The following CAMKMT variants were observed in gnomAD, a reference collection of about 807,000 sequenced individuals.
CAMKMT encodes the protein CaM KMT.
A neutral mutation model predicts 48.0 loss-of-function variants in CAMKMT; 53 were observed. The observed-to-expected ratio is 1.10, with a 90% confidence interval of 0.89 to 1.39. The LOEUF (loss-of-function observed/expected upper bound fraction) is 1.39. CAMKMT is among the 40% of genes most tolerant of loss of function. CAMKMT has a pLI of 0.00. For synonymous variants in CAMKMT, 165 were observed against 152.3 expected (o/e 1.08, Z -0.61); for missense variants, 428 against 402.7 (o/e 1.06, Z -0.54).
intron 3 of CAMKMT, among the ~76,000 whole-genome samples, chr2:44,476,100 G>A (rs1323399654): frequency 6.6e-6 from 1 of 152,060 alleles, no homozygotes; most frequent in Non-Finnish European, 1.5e-5. Context: ...ATATATTTAC[G>A]ACATCTAAAA....
chr2:44,397,505 G>A (rs995809511), intron 3 of CAMKMT, among the ~76,000 whole-genome samples: 5 of 152,108 alleles, frequency 3.3e-5, no homozygotes, highest in African/African-American at 1.2e-4. Flanking sequence ...GTTGGCTTCG[G>A]TTGCTAGATG....
intron 3 of CAMKMT, among the ~76,000 whole-genome samples, chr2:44,509,228 T>C (rs1443026160): frequency 1.3e-5 from 2 of 152,216 alleles, no homozygotes; most frequent in African/African-American, 4.8e-5. Context: ...CTCAGGGAAC[T>C]GTCTCCAATA....
intron 3 of CAMKMT, among the ~76,000 whole-genome samples, chr2:44,697,888 T>C (rs1187501696): frequency 6.6e-6 from 1 of 152,048 alleles, no homozygotes; most frequent in Non-Finnish European, 1.5e-5. Context: ...ATAAACACAA[T>C]TACCAGAAGA....
chr2:44,705,441 G>T, intron 4 of CAMKMT: 2 of 985,340 alleles, frequency 2.0e-6, no homozygotes, highest in Non-Finnish European at 2.4e-6. Flanking sequence ...TGTTCATCTC[G>T]CTGTGCTTAA....
chr2:44,505,237 GT>G lies in CAMKMT; in HGVS notation c.376+114941del, dbSNP rs1049058783. Among the ~76,000 whole-genome samples, 4 of 150,870 alleles carry G rather than the reference GT, an allele frequency of 2.7e-5. No homozygotes were observed. The South Asian group carries it at 8.4e-4, about 32-fold the overall frequency. ...AAACTAGAGCACCCACTTTCTAATT[GT>G]TTTTTTTTAATAATTGAGTTTTGAG... On this transcript the variant is annotated intron_variant, in intron 3 of 10. Transcript: ENST00000378494.
chr2:44,432,014 C>T (rs1041721788), intron 3 of CAMKMT, among the ~76,000 whole-genome samples: 4 of 152,134 alleles, frequency 2.6e-5, no homozygotes, highest in African/African-American at 4.8e-5. Flanking sequence ...GTCCTGGGTC[C>T]AAAAATCTTG....
chr2:44,691,034 G>A (rs1443310311), intron 3 of CAMKMT, among the ~76,000 whole-genome samples: 1 of 152,072 alleles, frequency 6.6e-6, no homozygotes, highest in African/African-American at 2.4e-5. Context: ...GCACTTACTA[G>A]CTCCTATTCT....
At chr2:44,614,936 CTTT>C (rs3083440) in intron 3 of CAMKMT, among the ~76,000 whole-genome samples, 9 of 48,984 alleles carry the variant, frequency 1.8e-4, no homozygotes, top group African/African-American at 4.2e-4. Context: ...GGTCTCCTTG[CTTT>C]TTTTTTTTTT....
intron 3 of CAMKMT, among the ~76,000 whole-genome samples, chr2:44,547,711 A>G (rs1160893807): frequency 1.3e-5 from 2 of 151,008 alleles, no homozygotes; most frequent in Admixed American, 1.3e-4. Flanking sequence ...CCTCATTTGA[A>G]ATAATACCCA....
chr2:44,646,291 T>C (rs1053167335), intron 3 of CAMKMT, among the ~76,000 whole-genome samples: 13 of 145,942 alleles, frequency 8.9e-5, no homozygotes, highest in Non-Finnish European at 1.5e-4. Flanking sequence ...CTGTTAGGCA[T>C]TGCTAGAAAT....
At chr2:44,429,305 G>GTA (rs1308323770) in intron 3 of CAMKMT, among the ~76,000 whole-genome samples, 1 of 138,512 alleles carries the variant, frequency 7.2e-6, no homozygotes, top group African/African-American at 2.6e-5. Flanking sequence ...GTGTGTGTGT[G>GTA]TGTATGTCTT....
At chr2:44,737,074 G>C (rs767624832) in intron 7 of CAMKMT, among the ~76,000 whole-genome samples, 1 of 152,006 alleles carries the variant, frequency 6.6e-6, no homozygotes, top group East Asian at 1.9e-4. Context: ...ATTTTACTTC[G>C]TTGGGATCTG....
intron 7 of CAMKMT, among the ~76,000 whole-genome samples, chr2:44,738,179 C>G (rs1383391368): frequency 6.6e-6 from 1 of 152,128 alleles, no homozygotes; most frequent in Non-Finnish European, 1.5e-5. Flanking sequence ...AGGCAGTCCA[C>G]CTGCTTCTTT....
At chr2:44,368,634 C>A (rs961151698) in intron 1 of CAMKMT, among the ~76,000 whole-genome samples, 1 of 152,114 alleles carries the variant, frequency 6.6e-6, no homozygotes, top group African/African-American at 2.4e-5. Context: ...GTTTATGGTA[C>A]CATTACCTTG....
chr2:44,660,117 T>C (rs1453171202), intron 3 of CAMKMT, among the ~76,000 whole-genome samples: 1 of 152,236 alleles, frequency 6.6e-6, no homozygotes, highest in East Asian at 1.9e-4. Flanking sequence ...AAAGTAATTA[T>C]ATTTTCCAAA....
chr2:44,550,272 A>G (rs1667635617), intron 3 of CAMKMT, among the ~76,000 whole-genome samples: 1 of 151,926 alleles, frequency 6.6e-6, no homozygotes, highest in Non-Finnish European at 1.5e-5. Context: ...CTGGTGACAC[A>G]TGACTGTAGT....
At chr2:44,711,081 T>G (rs1414448439) in intron 6 of CAMKMT, among the ~76,000 whole-genome samples, 1 of 152,180 alleles carries the variant, frequency 6.6e-6, no homozygotes, top group Non-Finnish European at 1.5e-5. Context: ...AACTAATAAG[T>G]GAAGCTTCGT....
chr2:44,481,361 T>C (rs923472036), intron 3 of CAMKMT, among the ~76,000 whole-genome samples: 3 of 152,098 alleles, frequency 2.0e-5, no homozygotes, highest in African/African-American at 7.2e-5. Flanking sequence ...CTGTTGTTTT[T>C]AGCATATTTA....
chr2:44,506,418 G>T (rs759541229), intron 3 of CAMKMT, among the ~76,000 whole-genome samples: 1 of 151,948 alleles, frequency 6.6e-6, no homozygotes, highest in Non-Finnish European at 1.5e-5. Context: ...AGTTTTCAGC[G>T]ATTTTCATTT....
Sources: gnomAD v4.1 joint callset for allele counts (sites outside exome capture counted in the v4.1 genomes callset) on GRCh38, gnomAD v4.1.1 for gene constraint, MANE v1.5 for transcripts, NCBI Gene and HGNC (gene_info 2026-07-23, HGNC 2026-07-21) for gene names.